Variants in GRM4 observed in about 807,000 individuals in gnomAD.
The protein encoded by GRM4 is metabotropic glutamate receptor 4.
In GRM4, 28 loss-of-function variants were observed where a neutral mutation model predicts 81.7. The ratio of observed to expected loss-of-function variants is 0.34; its 90% CI spans 0.25 to 0.47. The LOEUF is 0.47. Ranked by LOEUF, GRM4 falls within the 20% of genes least tolerant of loss-of-function variation. The probability of loss-of-function intolerance (pLI) is 1.00; values close to 1 mark genes in which losing one functional copy is unlikely to be tolerated. For missense variants in GRM4, 948 were observed against 1,290.0 expected, an observed-to-expected ratio of 0.73 and a Z score of 4.06; for synonymous variants, 488 against 528.8, an observed-to-expected ratio of 0.92 and a Z score of 1.06.
intron 3 of GRM4, among the ~76,000 whole-genome samples, chr6:34,088,704 T>C (rs1279133193): frequency 6.6e-6 from 1 of 152,152 alleles, no homozygotes; most frequent in Non-Finnish European, 1.5e-5. Context: ...ATCACTTCTC[T>C]AAGGCTCAGT....
At chr6:34,096,403 AG>A (rs1476159355) in intron 2 of GRM4, among the ~76,000 whole-genome samples, 1 of 152,132 alleles carries the variant, frequency 6.6e-6, no homozygotes, top group Non-Finnish European at 1.5e-5. Context: ...CATCCTCCAG[AG>A]GGGGCCTAGC....
intron 8 of GRM4, among the ~76,000 whole-genome samples, chr6:34,038,071 G>A (rs1435635210): frequency 6.6e-6 from 1 of 152,160 alleles, no homozygotes; most frequent in Admixed American, 6.5e-5. Flanking sequence ...CGGTCCCTGT[G>A]GACTGCAGCT....
chr6:34,123,906 T>TG (rs1386737496), intron 2 of GRM4, among the ~76,000 whole-genome samples: 1 of 151,754 alleles, frequency 6.6e-6, no homozygotes, highest in Non-Finnish European at 1.5e-5. Flanking sequence ...ATCCTCAGGC[T>TG]GGGGGCTGGG....
rs75831005 is a variant in GRM4 at position 34,152,228 on chromosome 6, G to A, written c.312+2851C>T. ...CAGACAGCTGACAAGACAGAGAGCT[G>A]GACGTAGGCCCCGGGACCTCCCACC... is the stretch of plus-strand genomic sequence containing the variant. On this transcript the variant is annotated intron_variant, in intron 1 of 8. Transcript: ENST00000374177. The surrounding 1 kb of genome is among the most constrained non-coding windows in gnomAD (Gnocchi z 4.1). 6.6e-6 allele frequency among the ~76,000 whole-genome samples: 1 copy of A among 152,174 alleles called. No homozygotes were observed. Among genetic ancestry groups the A allele is most frequent in the African/African-American group, 2.4e-5 (1 of 41,436 alleles).
At chr6:34,086,018 C>T (rs1411115904) in intron 3 of GRM4, among the ~76,000 whole-genome samples, 2 of 152,224 alleles carry the variant, frequency 1.3e-5, no homozygotes, top group Non-Finnish European at 2.9e-5. Flanking sequence ...AAGATAGCTG[C>T]TGTGGCAAGA....
Position 34,154,932 on chromosome 6 carries a change from G to A in GRM4, c.312+147C>T, listed in dbSNP as rs1443492174. 1.5e-5 allele frequency: 9 copies of A among 595,730 alleles called. No homozygotes were observed. In the South Asian group the frequency reaches 3.4e-4, roughly 22 times the overall value. 36.9% of individuals were successfully genotyped at this position (595,730 alleles called of 1,614,324 possible). ...CCATCGCGGGCCAGCACCGCCGCCCGGTGGCCGAACGCCCTCATTGCACCC... is the reference window on the plus strand; with the variant it reads ...CCATCGCGGGCCAGCACCGCCGCCCAGTGGCCGAACGCCCTCATTGCACCC... On this transcript the variant is annotated intron_variant, in intron 1 of 8. Coordinates refer to the GRM4 transcript ENST00000374177.
intron 3 of GRM4, among the ~76,000 whole-genome samples, chr6:34,071,336 C>G (rs1313037424): frequency 9.2e-6 from 1 of 108,366 alleles, no homozygotes; most frequent in African/African-American, 3.6e-5. Flanking sequence ...ACACATCACA[C>G]AGATAAACAC....
At chr6:34,077,813 C>T (rs962345125) in intron 3 of GRM4, among the ~76,000 whole-genome samples, 2 of 152,202 alleles carry the variant, frequency 1.3e-5, no homozygotes, top group African/African-American at 2.4e-5. Flanking sequence ...CTCCAGGAAG[C>T]CTTTATGGGT....
chr6:34,127,188 G>A (rs886339870), intron 2 of GRM4, among the ~76,000 whole-genome samples: 2 of 152,200 alleles, frequency 1.3e-5, no homozygotes, highest in African/African-American at 4.8e-5. Flanking sequence ...GTACATGACT[G>A]CAACTGTGAT....
intron 2 of GRM4, among the ~76,000 whole-genome samples, chr6:34,113,438 G>A (rs728836): frequency 5.3e-5 from 8 of 152,150 alleles, no homozygotes; most frequent in African/African-American, 1.2e-4. Flanking sequence ...GCCTGGCCAC[G>A]TTCTCCCATT....
rs919448480 is a variant in GRM4 at position 34,048,753 on chromosome 6, G to A, written c.1168+7791C>T. On this transcript the variant is annotated intron_variant, in intron 6 of 10. Transcript: ENST00000538487. This position sits in a 1 kb window ranked among gnomAD's most constrained non-coding sequence, Gnocchi z 4.0. ...ATGATAGTGAGTTCTCAAGAGATCTGAGGGTTTAAAAGTGTGGCACTTCCC... is the reference window on the plus strand; with the variant it reads ...ATGATAGTGAGTTCTCAAGAGATCTAAGGGTTTAAAAGTGTGGCACTTCCC... Among the ~76,000 whole-genome samples, 2 of 152,070 alleles carry A rather than the reference G, an allele frequency of 1.3e-5. No homozygotes were observed. The highest frequency in any genetic ancestry group is 2.9e-5 in the Non-Finnish European group (2 of 67,996).
At chr6:34,072,902 A>AC in intron 3 of GRM4, among the ~76,000 whole-genome samples, 1 of 35,552 alleles carries the variant, frequency 2.8e-5, no homozygotes, top group Middle Eastern at 0.021. Context: ...CAGATACCAC[A>AC]CACACATCAC....
chr6:34,035,326 CAG>C lies in GRM4; in HGVS notation c.2442+340_2442+341del, dbSNP rs1466647956. Among the ~76,000 whole-genome samples the C allele has an allele frequency of 3.4e-5, 4 of 117,494 alleles. No individual in the cohort carries two copies. The highest frequency in any genetic ancestry group is 1.1e-4 in the Admixed American group (1 of 8,826). The allele number at this position is 117,494 out of a possible 152,430, so 77.1% of individuals were successfully genotyped here. A position where few individuals can be genotyped will look rare whatever the true frequency, so the allele number is the denominator to read the frequency against. On this transcript the variant is annotated intron_variant, in intron 9 of 10. Coordinates refer to ENST00000538487, the MANE Select transcript of GRM4 (RefSeq NM_000841.4). This position sits in a 1 kb window ranked among gnomAD's most constrained non-coding sequence, Gnocchi z 6.6. Reference sequence around the variant, plus strand: ...GAAAGAGGAGGAGGGGGAAGGAGAACAGGGGGAGGATGGAAAGAGGGAGTAAA... The same window carrying C: ...GAAAGAGGAGGAGGGGGAAGGAGAACGGGGAGGATGGAAAGAGGGAGTAAA...
intron 3 of GRM4, among the ~76,000 whole-genome samples, chr6:34,079,846 T>G (rs994201207): frequency 2.6e-5 from 4 of 152,088 alleles, no homozygotes; most frequent in Admixed American, 6.5e-5. Flanking sequence ...TCCAGGCCAT[T>G]GTCACCTCTT....
At chr6:34,110,448 A>G (rs1468604117) in intron 2 of GRM4, among the ~76,000 whole-genome samples, 1 of 131,188 alleles carries the variant, frequency 7.6e-6, no homozygotes, top group Admixed American at 8.3e-5. Context: ...ACCTGGCCAC[A>G]CTGGCCTCCA....
At chr6:34,109,432 G>T (rs547376949) in intron 2 of GRM4, among the ~76,000 whole-genome samples, 1 of 151,618 alleles carries the variant, frequency 6.6e-6, no homozygotes, top group Admixed American at 6.6e-5. Context: ...TCCCTGCAGG[G>T]GCTGCCTCTG....
chr6:34,141,624 C>A (rs998601965), intron 1 of GRM4, among the ~76,000 whole-genome samples: 1 of 151,650 alleles, frequency 6.6e-6, no homozygotes, highest in Non-Finnish European at 1.5e-5. Context: ...GCTCGTTTTT[C>A]CAAGGAGCCA....
chr6:34,045,632 A>G (rs892219188), intron 6 of GRM4, among the ~76,000 whole-genome samples: 1 of 152,064 alleles, frequency 6.6e-6, no homozygotes, highest in Admixed American at 6.5e-5. Context: ...CCCTGCCCCC[A>G]TTGTCTGGCC....
rs1457835522 is a variant in GRM4 at position 34,092,579 on chromosome 6, C to T, written c.520-480G>A. On this transcript the variant is annotated intron_variant, in intron 2 of 10. Transcript: ENST00000538487. The surrounding 1 kb of genome is among the most constrained non-coding windows in gnomAD (Gnocchi z 6.8). The stretch of plus-strand genomic sequence containing the variant: ...TCTCTGCCAGCTCAGCCTCCTTCCT[C>T]GTGCCCTGCTCAGAGGAGATGGAGC... Among the ~76,000 whole-genome samples the T allele has an allele frequency of 6.6e-6, 1 of 152,082 alleles. No homozygotes were observed. Among genetic ancestry groups the T allele is most frequent in the Non-Finnish European group, 1.5e-5 (1 of 67,992 alleles).
Sources: allele counts gnomAD v4.1 joint callset (sites outside exome capture counted in the v4.1 genomes callset), GRCh38; gene constraint gnomAD v4.1.1; non-coding constraint Gnocchi (gnomAD v3.1); transcripts MANE v1.5; gene names NCBI Gene and HGNC (gene_info 2026-07-23, HGNC 2026-07-21).